Variants in AGBL4 observed in about 807,000 individuals in gnomAD.
AGBL4 encodes the protein cytosolic carboxypeptidase 6.
A neutral mutation model predicts 66.4 loss-of-function variants in AGBL4; 58 were observed. The ratio of observed to expected loss-of-function variants is 0.87; its 90% CI spans 0.71 to 1.09. The LOEUF is 1.09. Ranked by LOEUF, AGBL4 falls within the 50% of genes least tolerant of loss-of-function variation. The probability of loss-of-function intolerance (pLI) is 0.00; values close to 1 mark genes in which losing one functional copy is unlikely to be tolerated. For synonymous variants in AGBL4, 234 were observed against 222.9 expected (o/e 1.05, Z -0.44); for missense variants, 579 against 631.0 (o/e 0.92, Z 0.88).
intron 4 of AGBL4, among the ~76,000 whole-genome samples, chr1:49,185,600 A>G (rs1647002222): frequency 6.6e-6 from 1 of 152,210 alleles, no homozygotes; most frequent in Non-Finnish European, 1.5e-5. Flanking sequence ...AAACTTGGAC[A>G]TATGTTCTTC....
chr1:49,772,697 T>A (rs938348078), intron 2 of AGBL4, among the ~76,000 whole-genome samples: 7 of 152,184 alleles, frequency 4.6e-5, no homozygotes, highest in African/African-American at 1.7e-4. Flanking sequence ...GCTAGCAAGG[T>A]TTCTGCTGAG....
At chr1:49,937,033 A>G (rs1163746851) in intron 1 of AGBL4, among the ~76,000 whole-genome samples, 3 of 152,248 alleles carry the variant, frequency 2.0e-5, no homozygotes, top group Non-Finnish European at 4.4e-5. Context: ...CAATTAAAAG[A>G]CACAGACTGG....
intron 1 of AGBL4, among the ~76,000 whole-genome samples, chr1:49,914,450 T>C (rs1394435013): frequency 1.3e-5 from 2 of 152,228 alleles, no homozygotes; most frequent in Non-Finnish European, 2.9e-5. Context: ...TTCATCAGAA[T>C]AGCCTTTGCT....
intron 11 of AGBL4, among the ~76,000 whole-genome samples, chr1:48,546,336 A>T (rs1010607318): frequency 5.9e-5 from 9 of 152,242 alleles, no homozygotes; most frequent in Admixed American, 5.2e-4. Context: ...TGTAATCATA[A>T]ATTCAAACAC....
chr1:49,844,588 A>T, intron 2 of AGBL4: 2 of 1,198,058 alleles, frequency 1.7e-6, no homozygotes, highest in Non-Finnish European at 2.3e-6. Flanking sequence ...CACCTTGAAC[A>T]TTTCAAAATC....
chr1:48,856,148 C>T (rs1934382), intron 6 of AGBL4, among the ~76,000 whole-genome samples: 134,915 of 152,214 alleles, frequency 0.89, 60,446 homozygotes, highest in Non-Finnish European at 0.96. Context: ...ATTTTCATCA[C>T]TATAAATTTT....
At chr1:49,030,327 C>A (rs532722537) in intron 5 of AGBL4, among the ~76,000 whole-genome samples, 7 of 152,218 alleles carry the variant, frequency 4.6e-5, no homozygotes, top group African/African-American at 1.7e-4. Flanking sequence ...AACAAGACAG[C>A]CGACTGAAAA....
chr1:48,841,205 T>C (rs1233103821), intron 6 of AGBL4, among the ~76,000 whole-genome samples: 1 of 152,096 alleles, frequency 6.6e-6, no homozygotes, highest in Non-Finnish European at 1.5e-5. Flanking sequence ...TACTCAAATA[T>C]ATACCTGTGT....
At chr1:49,089,570 C>T (rs1424097333) in intron 4 of AGBL4, among the ~76,000 whole-genome samples, 1 of 152,006 alleles carries the variant, frequency 6.6e-6, no homozygotes, top group Admixed American at 6.6e-5. Flanking sequence ...CTGAACAGAA[C>T]AATAATAAGT....
intron 3 of AGBL4, among the ~76,000 whole-genome samples, chr1:49,417,335 C>T (rs2148636385): frequency 6.6e-6 from 1 of 152,218 alleles, no homozygotes; most frequent in South Asian, 2.1e-4. Context: ...ACAGAAGGCT[C>T]AATGAAGAAC....
In AGBL4 at chr1:49,119,171, G is replaced by A. The variant is rs184415473; in HGVS notation, c.378-73371C>T. ...CAGCTCCTGGATTCATTGATTTTTT[G>A]AAGGGTTTTTCGTGTCTCTATCTCT... On this transcript the variant is annotated intron_variant, in intron 4 of 13. Coordinates refer to ENST00000371839, the MANE Select transcript of AGBL4 (RefSeq NM_032785.4). Among the ~76,000 whole-genome samples the A allele has an allele frequency of 3.7e-3, 570 of 152,084 alleles. 1 individual carries two copies. The highest frequency in any genetic ancestry group is 6.6e-3 in the Non-Finnish European group (447 of 68,000).
intron 2 of AGBL4, among the ~76,000 whole-genome samples, chr1:49,829,022 T>C (rs1314917966): frequency 6.7e-6 from 1 of 148,702 alleles, no homozygotes; most frequent in Non-Finnish European, 1.5e-5. Context: ...TCAGCCAAGA[T>C]AGCGCCACTG....
At chr1:48,701,373 G>T (rs1646797806) in intron 6 of AGBL4, among the ~76,000 whole-genome samples, 1 of 14,640 alleles carries the variant, frequency 6.8e-5, no homozygotes. Flanking sequence ...CCTCATTTTG[G>T]TTCTCAGTTT....
At chr1:49,976,162 A>G (rs908398749) in intron 1 of AGBL4, among the ~76,000 whole-genome samples, 1 of 152,156 alleles carries the variant, frequency 6.6e-6, no homozygotes, top group African/African-American at 2.4e-5. Context: ...TGAGCCAACT[A>G]ACAACTAGAA....
intron 8 of AGBL4, among the ~76,000 whole-genome samples, chr1:48,634,820 A>C (rs1200229566): frequency 2.6e-5 from 4 of 152,184 alleles, no homozygotes; most frequent in African/African-American, 9.6e-5. Flanking sequence ...TTTGCAGAGT[A>C]AGAAACTGAG....
intron 1 of AGBL4, among the ~76,000 whole-genome samples, chr1:50,005,800 CAG>C (rs1334663231): frequency 2.6e-5 from 4 of 152,130 alleles, no homozygotes; most frequent in African/African-American, 9.6e-5. Context: ...ATTTAACAAA[CAG>C]ATTAAAATAA....
intron 3 of AGBL4, among the ~76,000 whole-genome samples, chr1:49,346,180 A>T (rs1238050310): frequency 6.6e-6 from 1 of 152,202 alleles, no homozygotes; most frequent in African/African-American, 2.4e-5. Context: ...GACTAGAGAG[A>T]GGAAAATTAT....
At chr1:48,980,718 A>AATATATAT (rs544711494) in intron 5 of AGBL4, among the ~76,000 whole-genome samples, 2 of 92,338 alleles carry the variant, frequency 2.2e-5, no homozygotes, top group African/African-American at 4.1e-5. Context: ...GTAAAGAAGA[A>AATATATAT]ATATATATAT....
At chr1:49,594,622 T>G (rs1644816800) in intron 3 of AGBL4, among the ~76,000 whole-genome samples, 1 of 152,162 alleles carries the variant, frequency 6.6e-6, no homozygotes, top group Non-Finnish European at 1.5e-5. Flanking sequence ...TGGTGTTTGG[T>G]TTTCTGTTCT....
Sources: gnomAD v4.1 joint callset for allele counts (sites outside exome capture counted in the v4.1 genomes callset) on GRCh38, gnomAD v4.1.1 for gene constraint, MANE v1.5 for transcripts, NCBI Gene and HGNC (gene_info 2026-07-23, HGNC 2026-07-21) for gene names.